The following EXOC6B variants were observed in gnomAD, a reference collection of about 807,000 sequenced individuals.
The protein encoded by EXOC6B is exocyst complex component 6B, also known as SEC15 homolog B.
In EXOC6B, 54 loss-of-function variants were observed where a neutral mutation model predicts 113.5. The ratio of observed to expected loss-of-function variants is 0.48; its 90% CI spans 0.38 to 0.60. The LOEUF (loss-of-function observed/expected upper bound fraction) is 0.60, where lower values mean the gene tolerates loss of function less well. Among genes scored for constraint, EXOC6B ranks in the 20% least tolerant of loss-of-function variants. The pLI is 0.00. For missense variants in EXOC6B, 797 were observed against 977.5 expected (o/e 0.82, Z 2.46); for synonymous variants, 357 against 339.0 (o/e 1.05, Z -0.58).
intron 8 of EXOC6B, among the ~76,000 whole-genome samples, chr2:72,546,897 G>T (rs1204319940): frequency 1.3e-5 from 2 of 152,204 alleles, no homozygotes; most frequent in African/African-American, 4.8e-5. Context: ...TACTCAAATG[G>T]AATTGGGGAA....
intron 8 of EXOC6B, among the ~76,000 whole-genome samples, chr2:72,550,210 T>A (rs1703131589): frequency 6.6e-6 from 1 of 152,134 alleles, no homozygotes; most frequent in Non-Finnish European, 1.5e-5. Context: ...AATCCATTTT[T>A]TAAAAGTCTT....
At chr2:72,287,308 G>C (rs957127526) in intron 20 of EXOC6B, among the ~76,000 whole-genome samples, 3 of 151,638 alleles carry the variant, frequency 2.0e-5, no homozygotes, top group East Asian at 1.9e-4. Flanking sequence ...TCAGGCACCT[G>C]TAGTCCCAGC....
intron 8 of EXOC6B, among the ~76,000 whole-genome samples, chr2:72,541,243 C>T (rs970029884): frequency 6.6e-6 from 1 of 152,188 alleles, no homozygotes; most frequent in African/African-American, 2.4e-5. Context: ...TGCCATGATT[C>T]TGAGGCTTCC....
At chr2:72,755,770 C>T (rs1558976440) in intron 1 of EXOC6B, among the ~76,000 whole-genome samples, 1 of 152,150 alleles carries the variant, frequency 6.6e-6, no homozygotes, top group Non-Finnish European at 1.5e-5. Flanking sequence ...GATTAAACTG[C>T]AACAAGACCT....
intron 21 of EXOC6B, among the ~76,000 whole-genome samples, chr2:72,180,800 A>G (rs1031628938): frequency 3.9e-5 from 6 of 152,234 alleles, no homozygotes; most frequent in African/African-American, 1.2e-4. Context: ...TGTTTGGTAT[A>G]TATGATATAA....
At chr2:72,401,578 T>TATAA (rs1693246344) in intron 18 of EXOC6B, among the ~76,000 whole-genome samples, 1 of 24,200 alleles carries the variant, frequency 4.1e-5, no homozygotes, top group East Asian at 7.8e-4. Flanking sequence ...TATATATATA[T>TATAA]ATACATATAT....
At chr2:72,610,728 T>C (rs150224051) in intron 6 of EXOC6B, among the ~76,000 whole-genome samples, 73 of 152,254 alleles carry the variant, frequency 4.8e-4, no homozygotes, top group East Asian at 3.9e-3. Flanking sequence ...ATAGTTTACA[T>C]AGATACCACA....
chr2:72,597,136 T>C (rs1670125616), intron 6 of EXOC6B, among the ~76,000 whole-genome samples: 1 of 151,116 alleles, frequency 6.6e-6, no homozygotes, highest in South Asian at 2.1e-4. Context: ...AAACTGAATA[T>C]ACTAAATGCC....
intron 6 of EXOC6B, among the ~76,000 whole-genome samples, chr2:72,589,043 G>A (rs996091474): frequency 1.3e-5 from 2 of 151,752 alleles, no homozygotes; most frequent in Non-Finnish European, 2.9e-5. Flanking sequence ...AGGCAGTGAC[G>A]CCAAGAAGAA....
intron 3 of EXOC6B, among the ~76,000 whole-genome samples, chr2:72,732,174 G>A (rs141971328): frequency 6.6e-6 from 1 of 152,118 alleles, no homozygotes; most frequent in African/African-American, 2.4e-5. Flanking sequence ...TAGAGATGGG[G>A]TCTCCCTTTG....
intron 1 of EXOC6B, among the ~76,000 whole-genome samples, chr2:72,765,021 G>A (rs1051954749): frequency 4.6e-5 from 7 of 152,046 alleles, no homozygotes; most frequent in Non-Finnish European, 5.9e-5. Flanking sequence ...GGGAAGCCAA[G>A]GTGGGAGGAT....
At chr2:72,454,778 G>C (rs1018245495) in intron 18 of EXOC6B, among the ~76,000 whole-genome samples, 2 of 152,152 alleles carry the variant, frequency 1.3e-5, no homozygotes, top group African/African-American at 4.8e-5. Flanking sequence ...AACAGCTCTG[G>C]CTTGGTAATA....
At chr2:72,559,761 G>A (rs1204073567) in intron 7 of EXOC6B, among the ~76,000 whole-genome samples, 1 of 152,206 alleles carries the variant, frequency 6.6e-6, no homozygotes, top group Non-Finnish European at 1.5e-5. Context: ...AGGATGGGTA[G>A]CAAAGAGAAA....
At chr2:72,292,172 AGTGTGTGTGTGTGTGT>A (rs58303616) in intron 20 of EXOC6B, among the ~76,000 whole-genome samples, 4 of 139,402 alleles carry the variant, frequency 2.9e-5, no homozygotes, top group African/African-American at 7.9e-5. Context: ...TCCAGAAGTA[AGTGTGTGTGTGTGTGT>A]GTGTGTGTGT....
intron 19 of EXOC6B, among the ~76,000 whole-genome samples, chr2:72,366,540 C>T (rs1250439633): frequency 1.3e-5 from 2 of 151,914 alleles, no homozygotes; most frequent in African/African-American, 4.8e-5. Context: ...AAATAATAGC[C>T]AAAGCCTTCT....
At chr2:72,370,857 T>G (rs1572984502) in intron 19 of EXOC6B, among the ~76,000 whole-genome samples, 1 of 133,780 alleles carries the variant, frequency 7.5e-6, no homozygotes, top group East Asian at 2.2e-4. Context: ...CACTGGGGCC[T>G]GTTGTGGGGT....
intron 6 of EXOC6B, among the ~76,000 whole-genome samples, chr2:72,593,064 C>A (rs1287366093): frequency 1.3e-5 from 2 of 152,068 alleles, no homozygotes; most frequent in East Asian, 1.9e-4. Flanking sequence ...TCCAAAAAAA[C>A]CGTAAACAAC....
Position 72,444,141 on chromosome 2 carries a change from T to C in EXOC6B, c.1980+21019A>G, listed in dbSNP as rs148946638. Among the ~76,000 whole-genome samples the C allele has an allele frequency of 2.7e-3, 411 of 152,332 alleles. 1 individual carries two copies. The highest frequency in any genetic ancestry group is 9.5e-3 in the African/African-American group (396 of 41,578). On this transcript the variant is annotated intron_variant, in intron 18 of 21. Transcript: ENST00000272427. ...TACAGCCATTCCAAGTGGGAGAAAC[T>C]GGCCAAAACAAAGGGGCTACAGGCC...
intron 20 of EXOC6B, among the ~76,000 whole-genome samples, chr2:72,268,516 C>T (rs768148246): frequency 1.8e-4 from 27 of 152,014 alleles, no homozygotes; most frequent in African/African-American, 6.5e-4. Context: ...GACACATGTA[C>T]GTAAGTTGGA....
Sources: gnomAD v4.1 joint callset for allele counts (sites outside exome capture counted in the v4.1 genomes callset) on GRCh38, gnomAD v4.1.1 for gene constraint, MANE v1.5 for transcripts, NCBI Gene and HGNC (gene_info 2026-07-23, HGNC 2026-07-21) for gene names.